TTN: variants seen among roughly 807,000 people sequenced by gnomAD.
TTN encodes connectin.
A neutral mutation model predicts 3,223.0 loss-of-function variants in TTN; 1,525 were observed. The observed-to-expected ratio is 0.47, with a 90% CI of 0.45 to 0.49. The LOEUF (loss-of-function observed/expected upper bound fraction) is 0.49, where lower values mean the gene tolerates loss of function less well. Among genes scored for constraint, TTN ranks in the 20% least tolerant of loss-of-function variants. The probability of loss-of-function intolerance (pLI) is 0.00; values close to 1 mark genes in which losing one functional copy is unlikely to be tolerated. For synonymous variants in TTN, 14,094 were observed against 15,161.0 expected, an observed-to-expected ratio of 0.93 and a Z score of 5.17; for missense variants, 40,786 against 43,424.0, an observed-to-expected ratio of 0.94 and a Z score of 5.40.
At position 178,620,316 on chromosome 2, in the gene TTN, A is replaced by G. The variant is rs1559868004; in HGVS notation, c.46205T>C (p.Val15402Ala). Residue 15402 changes from valine to alanine, a missense_variant, in exon 248 of 363, where the codon GTC becomes GCC. Transcript: ENST00000589042. The part of the protein sequence containing the change: ...EFVEHLEDQT[V>A]TEFDDAVFSC... ...GAAGACAGCGTCATCGAACTCAGTG[A>G]CTGTCTGATCTTCCAAGTGTTCCAC... 8 of 1,584,064 alleles carry G rather than the reference A, an allele frequency of 5.1e-6. No homozygotes were observed. The South Asian group carries it at 9.4e-5, about 19-fold the overall frequency.
At position 178,635,243 on chromosome 2, in the gene TTN, T is replaced by C. The variant is rs1553744923; in HGVS notation, c.41946A>G (p.Ala13982=). The part of the protein sequence containing the change: ...EDVTIYEKES[A]SFDAEISEAD... ...CCTCTGAGATTTCTGCATCAAAGCT[T>C]GCACTTTCTTTCTCATAAATGGTAA... Residue 13982 remains alanine, a synonymous_variant, in exon 228 of 363, where the codon GCA becomes GCG. Transcript: ENST00000589042. 2 of 1,613,338 alleles carry C rather than the reference T, an allele frequency of 1.2e-6. No individual in the cohort carries two copies. The highest frequency in any genetic ancestry group is 1.7e-4 in the Middle Eastern group (1 of 6,052).
Position 178,547,027 on chromosome 2 carries a change from G to A in TTN, c.94498C>T (p.Pro31500Ser). Reference sequence around the variant, plus strand: ...CCAACTGGATTTTGAGCCATTATAGGTCTTGAAGCTTCGCTGGCCTTGCTA... The same window carrying A: ...CCAACTGGATTTTGAGCCATTATAGATCTTGAAGCTTCGCTGGCCTTGCTA... ...GVSKASEASRPIMAQNPVDAP... is the reference protein window; with the variant it reads ...GVSKASEASRSIMAQNPVDAP... The change falls in exon 340 of 363, where the codon CCT becomes TCT. Residue 31500 changes from proline to serine, a missense_variant. Coordinates refer to ENST00000589042, the MANE Select transcript of TTN (RefSeq NM_001267550.2). The A allele has an allele frequency of 6.2e-7, 1 of 1,612,784 alleles. No homozygotes were observed. Among genetic ancestry groups the A allele is most frequent in the Non-Finnish European group, 8.5e-7 (1 of 1,179,060 alleles).
In TTN at chr2:178,631,035, C is replaced by T. The variant is rs1255884083; in HGVS notation, c.44013G>A (p.Glu14671=). Residue 14671 remains glutamate, a splice_region_variant and synonymous_variant, in exon 237 of 363, where the codon GAG becomes GAA. Transcript: ENST00000589042. ...TDKTSGKLDI[E]DREIKLVRPL... is the part of the protein sequence containing the mutation. ...TGAAACTCATGGAAATTTCCTTACCCTCAATGTCAAGTTTTCCTGAGGTCT... is the reference window on the plus strand; with the variant it reads ...TGAAACTCATGGAAATTTCCTTACCTTCAATGTCAAGTTTTCCTGAGGTCT... 1.9e-6 allele frequency: 3 copies of T among 1,613,000 alleles called. No individual in the cohort carries two copies. Among genetic ancestry groups the T allele is most frequent in the South Asian group, 1.1e-5 (1 of 90,984 alleles).
intron 47 of TTN, chr2:178,745,456 G>A (rs2083310829): frequency 2.0e-6 from 3 of 1,493,288 alleles, no homozygotes; most frequent in Non-Finnish European, 1.8e-6. Flanking sequence ...TATTTCTTTA[G>A]GGGTCTCCAA....
At chr2:178,692,432 A>G in intron 120 of TTN, 65 bp downstream of exon 120, 1 of 1,387,016 alleles carries the variant, frequency 7.2e-7, no homozygotes, top group Non-Finnish European at 1.0e-6. Flanking sequence ...GTTAATACAC[A>G]GATCTTATAG....
At position 178,583,592 on chromosome 2, in the gene TTN, T is replaced by C; in HGVS notation, c.65575+15A>G. 6.4e-7 allele frequency: 1 copy of C among 1,572,732 alleles called. No individual in the cohort carries two copies. Among genetic ancestry groups the C allele is most frequent in the South Asian group, 1.2e-5 (1 of 83,848 alleles). On this transcript the variant is annotated intron_variant, in intron 312 of 362. Transcript: ENST00000589042. ...GCTGTTACATCTTTGCCTATAATAC[T>C]CAGCAGAATCTTACCATTTTCTGCG...
chr2:178,794,396 T>C lies in TTN; in HGVS notation c.1398+3A>G. 6.2e-7 allele frequency: 1 copy of C among 1,614,168 alleles called. No individual in the cohort carries two copies. Among genetic ancestry groups the C allele is most frequent in the South Asian group, 1.1e-5 (1 of 91,090 alleles). Reference sequence around the variant, plus strand: ...GGGTGCCCCATGGCAGCCTCGCACGTACCTGTTCTTGAGCAGGTTGGATGT... The same window carrying C: ...GGGTGCCCCATGGCAGCCTCGCACGCACCTGTTCTTGAGCAGGTTGGATGT... On this transcript the variant is annotated splice_donor_region_variant and intron_variant, in intron 8 of 362. Coordinates refer to ENST00000589042, the MANE Select transcript of TTN (RefSeq NM_001267550.2).
chr2:178,581,250 A>C (rs1052232174), intron 316 of TTN, among the ~76,000 whole-genome samples: 1 of 152,028 alleles, frequency 6.6e-6, no homozygotes, highest in Non-Finnish European at 1.5e-5. Context: ...AAATTCTCTC[A>C]TTTCATGTCT....
In TTN at chr2:178,633,418, A is replaced by G. The variant is rs1317914021; in HGVS notation, c.42941T>C (p.Val14314Ala). 1.9e-6 allele frequency: 3 copies of G among 1,613,264 alleles called. No individual in the cohort carries two copies. The highest frequency in any genetic ancestry group is 2.7e-5 in the African/African-American group (2 of 74,892). ...GTDKTKANVT[V>A]EARLIKVEKP... Reference sequence around the variant, plus strand: ...TACATTGTTGAGCAACTCACCCTCAACAGTAACATTTGCCTTGGTCTTGTC... The same window carrying G: ...TACATTGTTGAGCAACTCACCCTCAGCAGTAACATTTGCCTTGGTCTTGTC... The change falls in exon 232 of 363, where the codon GTT becomes GCT. Residue 14314 changes from valine (V) to alanine (A), a missense_variant. Transcript: ENST00000589042.
chr2:178,589,404 T>C lies in TTN; in HGVS notation c.62321A>G (p.Lys20774Arg). The C allele has an allele frequency of 6.2e-7, 1 of 1,613,426 alleles. No homozygotes were observed. The highest frequency in any genetic ancestry group is 1.1e-5 in the South Asian group (1 of 91,072). The change falls in exon 304 of 363, where the codon AAA becomes AGA. Residue 20774 changes from lysine to arginine, a missense_variant. Coordinates refer to ENST00000589042, the MANE Select transcript of TTN (RefSeq NM_001267550.2). ...EDLQKPVLDL[K>R]LSGVLTVKAG... ...TTTGACAGTTAGGACCCCACTTAAT[T>C]TCAGATCAAGTACTGGTTTTTGTAA...
intron 295 of TTN, 123 bp downstream of exon 295, chr2:178,595,384 T>C (rs1269830648): frequency 2.3e-6 from 2 of 882,422 alleles, no homozygotes; most frequent in Non-Finnish European, 3.5e-6. Flanking sequence ...ACTGAGTAGT[T>C]GTGTGATAAC....
In TTN at chr2:178,759,075, G is replaced by A. The variant is rs150406319; in HGVS notation, c.10212C>T (p.Ala3404=). The part of the protein sequence containing the change: ...QFEDTYQLEI[A]EAYPEDEGTY... ...TTCCTTCATCTTCTGGATAAGCTTC[G>A]GCAATTTCCAGTTGATAAGTGTCTT... The change falls in exon 44 of 363, where the codon GCC becomes GCT. Residue 3404 remains alanine (A), a synonymous_variant. Coordinates refer to ENST00000589042, the MANE Select transcript of TTN (RefSeq NM_001267550.2). 22 of 1,613,848 alleles carry A rather than the reference G, an allele frequency of 1.4e-5. No individual in the cohort carries two copies. In the East Asian group the frequency reaches 1.6e-4, roughly 11 times the overall value.
intron 44 of TTN, among the ~76,000 whole-genome samples, chr2:178,758,558 G>A (rs901439362): frequency 2.6e-5 from 4 of 152,152 alleles, no homozygotes; most frequent in Non-Finnish European, 5.9e-5. Flanking sequence ...GACCTGAAAC[G>A]GTCTAGCTTT....
chr2:178,701,103 TA>T lies in TTN; in HGVS notation c.30682+16del. On this transcript the variant is annotated intron_variant, in intron 111 of 362. Transcript: ENST00000589042. ...TGAAATTCTTATTTCGACATCTAGGTAGATGAGGTATAATACCTTCAATACG... is the reference window on the plus strand; with the variant it reads ...TGAAATTCTTATTTCGACATCTAGGTGATGAGGTATAATACCTTCAATACG... 1 of 1,609,474 alleles carries T rather than the reference TA, an allele frequency of 6.2e-7. No homozygotes were observed. The highest frequency in any genetic ancestry group is 2.2e-5 in the East Asian group (1 of 44,790).
intron 49 of TTN, 99 bp from the exon 50 acceptor site, chr2:178,736,173 G>C: frequency 9.3e-7 from 1 of 1,077,234 alleles, no homozygotes; most frequent in Non-Finnish European, 1.3e-6. Flanking sequence ...TAAGTCTTTA[G>C]ATAGACATGA....
Position 178,784,216 on chromosome 2 carries a change from G to C in TTN, c.2629C>G (p.Pro877Ala). 1 of 1,614,176 alleles carries C rather than the reference G, an allele frequency of 6.2e-7. No homozygotes were observed. The highest frequency in any genetic ancestry group is 8.5e-7 in the Non-Finnish European group (1 of 1,180,012). The change falls in exon 16 of 363, where the codon CCC becomes GCC. Residue 877 changes from proline (P) to alanine (A), a missense_variant. Transcript: ENST00000589042. ...SETRVRAEPT[P>A]LPQFPFADTP... ...TCAGCGAAGGGGAACTGTGGCAAGG[G>C]TGTGGGCTCTGCCCTTACTCTAGTC...
Position 178,636,877 on chromosome 2 carries a change from T to C in TTN, c.40928-78A>G. ...AGTTCATACTTGGCTGCCTGCTGGA[T>C]AAAACCAGCCGTAAAGCAATTAGAA... On this transcript the variant is annotated intron_variant, in intron 224 of 362. Transcript: ENST00000589042. This position sits in a 1 kb window ranked among gnomAD's most constrained non-coding sequence, Gnocchi z 4.3. 1 of 1,457,136 alleles carries C rather than the reference T, an allele frequency of 6.9e-7. No individual in the cohort carries two copies. Among genetic ancestry groups the C allele is most frequent in the Non-Finnish European group, 9.1e-7 (1 of 1,099,660 alleles). The allele number at this position is 1,457,136 out of a possible 1,614,324, so 90.3% of individuals were successfully genotyped here. A position where few individuals can be genotyped will look rare whatever the true frequency, so the allele number is the denominator to read the frequency against.
At chr2:178,758,776 G>T (rs1226943124) in intron 44 of TTN, 5 of 602,346 alleles carry the variant, frequency 8.3e-6, no homozygotes, top group Non-Finnish European at 1.5e-5. Flanking sequence ...AAAAAGCGGG[G>T]CCAAATGAAA....
intron 9 of TTN, 139 bp from the exon 10 acceptor site, chr2:178,792,336 C>A: frequency 3.7e-6 from 3 of 817,436 alleles, no homozygotes; most frequent in Non-Finnish European, 5.5e-6. Context: ...AATAAATAAT[C>A]CCATGTTCAT....
Sources: gnomAD v4.1 joint callset for allele counts (sites outside exome capture counted in the v4.1 genomes callset) on GRCh38, gnomAD v4.1.1 for gene constraint, Gnocchi (gnomAD v3.1) non-coding constraint, MANE v1.5 for transcripts, NCBI Gene and HGNC (gene_info 2026-07-23, HGNC 2026-07-21) for gene names.